Variants in PASK observed in about 807,000 individuals in gnomAD.
PASK encodes PAS domain containing serine/threonine kinase.
Under a neutral mutation model 121.0 loss-of-function variants are expected in PASK, and 110 were observed. The ratio of observed to expected loss-of-function variants is 0.91; its 90% CI spans 0.78 to 1.06. The LOEUF (loss-of-function observed/expected upper bound fraction) is 1.06. Ranked by LOEUF, PASK falls within the 50% of genes least tolerant of loss-of-function variation. PASK has a pLI of 0.00. For missense variants in PASK, 1,643 were observed against 1,702.3 expected, an observed-to-expected ratio of 0.97 and a Z score of 0.61; for synonymous variants, 686 against 717.8, an observed-to-expected ratio of 0.96 and a Z score of 0.71.
At chr2:241,110,921 C>T (rs1038225507) in intron 15 of PASK, among the ~76,000 whole-genome samples, 1 of 152,178 alleles carries the variant, frequency 6.6e-6, no homozygotes, top group Admixed American at 6.5e-5. Context: ...GAGGTTCTAG[C>T]GGGGAAGAGC....
At chr2:241,138,622 C>T (rs1336353195) in intron 5 of PASK, 32 bp downstream of exon 5, 4 of 1,612,944 alleles carry the variant, frequency 2.5e-6, no homozygotes, top group Non-Finnish European at 3.4e-6. Context: ...GCTCCAGCGT[C>T]CATGAGACAT....
intron 12 of PASK, among the ~76,000 whole-genome samples, chr2:241,116,612 C>G (rs6437240): frequency 0.21 from 31,460 of 152,250 alleles, 4,937 homozygotes; most frequent in East Asian, 0.44. Context: ...ATTAATCAGA[C>G]TTTAGCAAGA....
At chr2:241,124,935 G>A (rs1230939753) in intron 10 of PASK, among the ~76,000 whole-genome samples, 1 of 152,182 alleles carries the variant, frequency 6.6e-6, no homozygotes, top group African/African-American at 2.4e-5. Context: ...GGGAGGCCGA[G>A]GCGGGCGGAT....
At position 241,108,145 on chromosome 2, in the gene PASK, A is replaced by G. The variant is rs748534676; in HGVS notation, c.3667+22T>C. 3 of 1,613,910 alleles carry G rather than the reference A, an allele frequency of 1.9e-6. No individual in the cohort carries two copies. Among genetic ancestry groups the G allele is most frequent in the East Asian group, 4.5e-5 (2 of 44,874 alleles). ...TCTCTAAGGACAGTGTCGACTGTCT[A>G]CCACTTGCAGCTCACGCTCACCTTT... is the stretch of plus-strand genomic sequence containing the variant. On this transcript the variant is annotated intron_variant, in intron 16 of 17. Transcript: ENST00000234040. The surrounding 1 kb of genome is among the most constrained non-coding windows in gnomAD (Gnocchi z 5.2).
chr2:241,136,970 G>T (rs768257207), intron 7 of PASK, 34 bp downstream of exon 7: 3 of 1,603,506 alleles, frequency 1.9e-6, no homozygotes, highest in South Asian at 1.1e-5. Flanking sequence ...CTTCCTCCCA[G>T]GGAACGGGAG....
At position 241,112,734 on chromosome 2, in the gene PASK, C is replaced by G; in HGVS notation, c.3334-295G>C. The G allele has an allele frequency of 2.6e-6, 1 of 381,582 alleles. No homozygotes were observed. Among genetic ancestry groups the G allele is most frequent in the Non-Finnish European group, 4.9e-6 (1 of 204,806 alleles). The allele number at this position is 381,582 out of a possible 1,614,324, so 23.6% of individuals were successfully genotyped here. On this transcript the variant is annotated intron_variant, in intron 14 of 17. Coordinates refer to ENST00000234040, the MANE Select transcript of PASK (RefSeq NM_015148.4). This position sits in a 1 kb window ranked among gnomAD's most constrained non-coding sequence, Gnocchi z 5.2. Reference sequence around the variant, plus strand: ...GAAAAGCTTCCCAGCAGACACTCGCCCCCACCAACGCACACCATGCCTATT... The same window carrying G: ...GAAAAGCTTCCCAGCAGACACTCGCGCCCACCAACGCACACCATGCCTATT...
intron 14 of PASK, chr2:241,114,442 C>T (rs934838817): frequency 2.0e-6 from 2 of 994,256 alleles, no homozygotes; most frequent in Non-Finnish European, 2.4e-6. Flanking sequence ...GATGGAACCG[C>T]CACCCTCTCC....
intron 7 of PASK, 121 bp downstream of exon 7, chr2:241,136,883 G>A (rs1473751502): frequency 5.5e-6 from 5 of 915,130 alleles, no homozygotes; most frequent in Middle Eastern, 3.2e-4. Context: ...GTCCTTCCTG[G>A]GTAAAGGAGC....
At position 241,112,632 on chromosome 2, in the gene PASK, C is replaced by T. The variant is rs1384446970; in HGVS notation, c.3334-193G>A. On this transcript the variant is annotated intron_variant, in intron 14 of 17. Coordinates refer to ENST00000234040, the MANE Select transcript of PASK (RefSeq NM_015148.4). The surrounding 1 kb of genome is among the most constrained non-coding windows in gnomAD (Gnocchi z 5.2). ...ACAGGAAACAAAGCCCTTCAGGAGG[C>T]GTGTTCACTGGGGATGGCCACGTTA... 1.2e-5 allele frequency: 7 copies of T among 562,432 alleles called. No individual in the cohort carries two copies. Among genetic ancestry groups the T allele is most frequent in the East Asian group, 3.1e-5 (1 of 32,720 alleles). The allele number at this position is 562,432 out of a possible 1,614,324, so 34.8% of individuals were successfully genotyped here.
At position 241,143,307 on chromosome 2, in the gene PASK, C is replaced by T. The variant is rs534042954; in HGVS notation, c.-42-233G>A. 8.5e-4 allele frequency among the ~76,000 whole-genome samples: 129 copies of T among 152,294 alleles called. 1 individual carries two copies. The highest frequency in any genetic ancestry group is 3.0e-3 in the African/African-American group (126 of 41,554). On this transcript the variant is annotated intron_variant, in intron 1 of 17. Coordinates refer to ENST00000234040, the MANE Select transcript of PASK (RefSeq NM_015148.4). ...CCTGTCATCCCAGCACTTTGGGAGGCTGAGGAGGGCGGATCACGAGGTCAG... is the reference window on the plus strand; with the variant it reads ...CCTGTCATCCCAGCACTTTGGGAGGTTGAGGAGGGCGGATCACGAGGTCAG...
At chr2:241,113,142 G>A (rs1409309897) in intron 14 of PASK, among the ~76,000 whole-genome samples, 5 of 152,202 alleles carry the variant, frequency 3.3e-5, no homozygotes, top group Non-Finnish European at 7.3e-5. Context: ...CGGCCTTTCA[G>A]TTTAGCTCAA....
rs1424726738 is a variant in PASK at position 241,124,672 on chromosome 2, A to G, written c.2720-539T>C. Among the ~76,000 whole-genome samples, 3 of 152,228 alleles carry G rather than the reference A, an allele frequency of 2.0e-5. No individual in the cohort carries two copies. In the South Asian group the frequency reaches 6.2e-4, roughly 31 times the overall value. On this transcript the variant is annotated intron_variant, in intron 10 of 17. Coordinates refer to ENST00000234040, the MANE Select transcript of PASK (RefSeq NM_015148.4). ...CACAGCCTCCTAGCTATACACCAAC[A>G]TAAGTGTGGTTAGCTTTCTTTGGTG... is the stretch of plus-strand genomic sequence containing the variant.
intron 8 of PASK, among the ~76,000 whole-genome samples, chr2:241,135,243 G>A (rs1396698862): frequency 1.3e-5 from 2 of 152,180 alleles, no homozygotes; most frequent in Non-Finnish European, 2.9e-5. Context: ...AATTAAACCA[G>A]GAAATACTGG....
rs569998006 is a variant in PASK at position 241,126,895 on chromosome 2, C to T, written c.2020G>A (p.Ala674Thr). 1 of 1,613,724 alleles carries T rather than the reference C, an allele frequency of 6.2e-7. No homozygotes were observed. The highest frequency in any genetic ancestry group is 2.2e-5 in the East Asian group (1 of 44,874). The change falls in exon 10 of 18, where the codon GCC (alanine) becomes ACC (threonine). Residue 674 changes from alanine to threonine, a missense_variant. By Grantham distance (58) the Ala-to-Thr change is moderately conservative (BLOSUM62 0). This residue lies in a region of PASK where 1,176 missense variants were observed against 1,162.2 expected (regional missense o/e 1.01). Coordinates refer to ENST00000234040, the MANE Select transcript of PASK (RefSeq NM_015148.4). ...AGTTCGGCGTGGGGGACATCCAGGG[C>T]TCCTGCAAGGCTCAACTGGGACAGC... ...EQLSQLSLAG[A>T]LDVPHAELVP...
Position 241,106,560 on chromosome 2 carries a change from T to C in PASK, c.*6A>G. 6.2e-7 allele frequency: 1 copy of C among 1,613,968 alleles called. No individual in the cohort carries two copies. Among genetic ancestry groups the C allele is most frequent in the Non-Finnish European group, 8.5e-7 (1 of 1,179,900 alleles). On this transcript the variant is annotated 3_prime_UTR_variant, in exon 18 of 18. Coordinates refer to ENST00000234040, the MANE Select transcript of PASK (RefSeq NM_015148.4). ...CAAGTGGAGAAAAGCAGGAAGAAAT[T>C]GGTGTTTAGCTGGTCAGCAGACGGG...
chr2:241,108,840 A>T lies in PASK; in HGVS notation c.3534-540T>A, dbSNP rs1416786529. The T allele has an allele frequency of 4.7e-6, 1 of 211,920 alleles. No homozygotes were observed. Among genetic ancestry groups the T allele is most frequent in the Non-Finnish European group, 9.6e-6 (1 of 103,784 alleles). 13.1% of individuals were successfully genotyped at this position (211,920 alleles called of 1,614,324 possible). On this transcript the variant is annotated intron_variant, in intron 15 of 17. Transcript: ENST00000234040. The surrounding 1 kb of genome is among the most constrained non-coding windows in gnomAD (Gnocchi z 5.2). ...GGGAAAAACACCGAAGGATGAAAGC[A>T]AACAAGAAGGACGTGGTGAAGGTGG...
At chr2:241,121,764 G>C (rs1426551658) in intron 12 of PASK, among the ~76,000 whole-genome samples, 1 of 152,192 alleles carries the variant, frequency 6.6e-6, no homozygotes, top group East Asian at 1.9e-4. Context: ...ATCAAATTAG[G>C]AATTAGTTCA....
chr2:241,139,499 C>G (rs1173236119), intron 4 of PASK: 1 of 484,608 alleles, frequency 2.1e-6, no homozygotes, highest in Non-Finnish European at 4.2e-6. Context: ...CCCGCCCGCT[C>G]CCACAAACAC....
rs753255808 is a variant in PASK, at chr2:241,108,307, G to A, written c.3534-7C>T. The A allele has an allele frequency of 6.8e-6, 11 of 1,611,836 alleles. 1 individual carries two copies. The South Asian group carries it at 1.2e-4, about 18-fold the overall frequency. ...CAGCTCCGGCCCTCTGTAGCTGTGA[G>A]GAGGAGGAGGCATCAGGACGCCACG... On this transcript the variant is annotated splice_region_variant and splice_polypyrimidine_tract_variant and intron_variant, in intron 15 of 17. Coordinates refer to ENST00000234040, the MANE Select transcript of PASK (RefSeq NM_015148.4). This position sits in a 1 kb window ranked among gnomAD's most constrained non-coding sequence, Gnocchi z 5.2.
Sources: gnomAD v4.1 joint callset for allele counts (sites outside exome capture counted in the v4.1 genomes callset) on GRCh38, gnomAD v4.1.1 for gene constraint, gnomAD v4.1.1 regional missense constraint, Gnocchi (gnomAD v3.1) non-coding constraint, MANE v1.5 for transcripts, NCBI Gene and HGNC (gene_info 2026-07-23, HGNC 2026-07-21) for gene names.